The following PRPSAP1 variants were observed in gnomAD, a reference collection of about 807,000 sequenced individuals.
The protein encoded by PRPSAP1 is phosphoribosyl pyrophosphate synthetase associated protein 1, also known as phosphoribosyl pyrophosphate synthase-associated protein 1.
PRPSAP1 carries 31 observed loss-of-function variants against 39.4 expected under a neutral mutation model. The observed-to-expected ratio is 0.79, with a 90% CI of 0.59 to 1.06. PRPSAP1 has a LOEUF of 1.06. Among genes scored for constraint, PRPSAP1 ranks in the 50% least tolerant of loss-of-function variants. PRPSAP1 has a pLI of 0.00. For synonymous variants in PRPSAP1, 212 were observed against 192.6 expected (o/e 1.10, Z -0.83); for missense variants, 430 against 511.6 (o/e 0.84, Z 1.54).
At chr17:76,348,837 A>G (rs1434131712) in intron 1 of PRPSAP1, among the ~76,000 whole-genome samples, 1 of 152,210 alleles carries the variant, frequency 6.6e-6, no homozygotes, top group African/African-American at 2.4e-5. Flanking sequence ...TGTTCTTTGA[A>G]TAGTAATTTT....
At chr17:76,351,566 G>A (rs2071572928) in intron 1 of PRPSAP1, among the ~76,000 whole-genome samples, 1 of 151,704 alleles carries the variant, frequency 6.6e-6, no homozygotes, top group South Asian at 2.1e-4. Flanking sequence ...GGGCATCTGT[G>A]ATCCCAGCTA....
chr17:76,324,131 A>G (rs2071226877), intron 7 of PRPSAP1, among the ~76,000 whole-genome samples: 1 of 138,964 alleles, frequency 7.2e-6, no homozygotes, highest in Admixed American at 7.2e-5. Flanking sequence ...CAACAGAGTG[A>G]GACTGTCTCA....
intron 4 of PRPSAP1, 87 bp downstream of exon 4, chr17:76,332,176 T>C (rs532300876): frequency 2.1e-6 from 3 of 1,453,930 alleles, no homozygotes; most frequent in East Asian, 2.3e-5. Context: ...AGATCCCAGA[T>C]TGGATATCTG....
chr17:76,332,527 G>A, intron 3 of PRPSAP1, 92 bp from the exon 4 acceptor site: 2 of 1,422,916 alleles, frequency 1.4e-6, no homozygotes, highest in Non-Finnish European at 1.9e-6. Flanking sequence ...GGGCTGCCCA[G>A]ATGGGTGTTG....
At chr17:76,353,920 G>A (rs1377679335), upstream of PRPSAP1, 3 of 1,321,806 alleles carry the variant, frequency 2.3e-6, no homozygotes, top group Non-Finnish European at 2.9e-6. Flanking sequence ...CAGAGGCAAG[G>A]CCACCGCCCC....
At chr17:76,340,499 GT>G (rs57319563) in intron 3 of PRPSAP1, among the ~76,000 whole-genome samples, 27,349 of 151,614 alleles carry the variant, frequency 0.18, 3,544 homozygotes, top group African/African-American at 0.34. Flanking sequence ...AGCACTCTTG[GT>G]TACCATGTGA....
At chr17:76,331,232 A>G (rs1223071487) in intron 4 of PRPSAP1, among the ~76,000 whole-genome samples, 1 of 152,200 alleles carries the variant, frequency 6.6e-6, no homozygotes, top group African/African-American at 2.4e-5. Flanking sequence ...AAAGGTACAT[A>G]TATATAAACA....
In PRPSAP1 at chr17:76,330,029, T is replaced by C. The variant is rs542385758; in HGVS notation, c.635+14A>G. ...CACTCAGGAGGGATCAGGACCCATG[T>C]CTAGCTTACTTACCTCTTTGCAGCA... On this transcript the variant is annotated intron_variant, in intron 6 of 9. Transcript: ENST00000446526. The C allele has an allele frequency of 1.2e-6, 2 of 1,611,306 alleles. No individual in the cohort carries two copies. The highest frequency in any genetic ancestry group is 2.7e-5 in the African/African-American group (2 of 74,994).
Position 76,309,622 on chromosome 17 carries a change from C to G in PRPSAP1, c.*1920G>C, listed in dbSNP as rs952614881. The G allele has an allele frequency of 1.3e-5, 2 of 152,244 alleles. No homozygotes were observed. The highest frequency in any genetic ancestry group is 2.9e-5 in the Non-Finnish European group (2 of 68,054). The allele number at this position is 152,244 out of a possible 1,614,324, so 9.4% of individuals were successfully genotyped here. ...CTCTGCATCTGCAGATTTAACCAAC[C>G]ACGACTGAACACGTACAGATTCCTG... is the stretch of plus-strand genomic sequence containing the variant. On this transcript the variant is annotated 3_prime_UTR_variant, in exon 10 of 10. Transcript: ENST00000446526.
intron 3 of PRPSAP1, among the ~76,000 whole-genome samples, chr17:76,338,771 T>C (rs1244336399): frequency 1.3e-5 from 2 of 151,938 alleles, no homozygotes; most frequent in African/African-American, 4.8e-5. Context: ...TGGTGGCTCA[T>C]GCCTGTAATC....
At chr17:76,330,722 G>C (rs1381131752) in intron 4 of PRPSAP1, 56 bp from the exon 5 acceptor site, 1 of 1,153,192 alleles carries the variant, frequency 8.7e-7, no homozygotes, top group East Asian at 2.5e-5. Flanking sequence ...AATGGCTACA[G>C]TGGACCTAAA....
At chr17:76,322,453 G>A (rs2071208174) in intron 7 of PRPSAP1, among the ~76,000 whole-genome samples, 2 of 152,128 alleles carry the variant, frequency 1.3e-5, no homozygotes, top group South Asian at 2.1e-4. Context: ...GATACACAAG[G>A]AGATTAGTGA....
At chr17:76,353,965 C>T, upstream of PRPSAP1, 2 of 1,295,356 alleles carry the variant, frequency 1.5e-6, no homozygotes. Flanking sequence ...CTAGAGCGCC[C>T]TCAGGCCGCC....
chr17:76,327,162 A>G (rs966591384), intron 7 of PRPSAP1, among the ~76,000 whole-genome samples: 5 of 151,472 alleles, frequency 3.3e-5, no homozygotes, highest in African/African-American at 4.9e-5. Context: ...AGCCTGACCA[A>G]CATGGTAAAA....
At chr17:76,336,336 G>A (rs2071378169) in intron 3 of PRPSAP1, among the ~76,000 whole-genome samples, 1 of 151,894 alleles carries the variant, frequency 6.6e-6, no homozygotes, top group Admixed American at 6.6e-5. Context: ...TACTTGGGAG[G>A]CTGAGGCAGA....
intron 7 of PRPSAP1, among the ~76,000 whole-genome samples, chr17:76,317,940 A>G (rs2071142447): frequency 6.6e-6 from 1 of 150,996 alleles, no homozygotes. Flanking sequence ...TCTTTTAACA[A>G]ATTACTCTAA....
intron 7 of PRPSAP1, among the ~76,000 whole-genome samples, chr17:76,318,454 C>T (rs114991645): frequency 6.6e-6 from 1 of 152,082 alleles, no homozygotes; most frequent in African/African-American, 2.4e-5. Context: ...TCTGAAAAAA[C>T]AAGAATAGAT....
chr17:76,336,068 G>A (rs1478809629), intron 3 of PRPSAP1, among the ~76,000 whole-genome samples: 1 of 152,124 alleles, frequency 6.6e-6, no homozygotes, highest in Non-Finnish European at 1.5e-5. Context: ...ACAGCACAAG[G>A]GAGGCCCAGA....
chr17:76,340,431 T>C (rs1173275894), intron 3 of PRPSAP1, among the ~76,000 whole-genome samples: 1 of 151,830 alleles, frequency 6.6e-6, no homozygotes, highest in Non-Finnish European at 1.5e-5. Context: ...GTTTGTCAAG[T>C]TCAGTCTTTA....
Sources: gnomAD v4.1 joint callset for allele counts (sites outside exome capture counted in the v4.1 genomes callset) on GRCh38, gnomAD v4.1.1 for gene constraint, MANE v1.5 for transcripts, NCBI Gene and HGNC (gene_info 2026-07-23, HGNC 2026-07-21) for gene names.